The following SLC17A8 variants were observed in gnomAD, a reference collection of about 807,000 sequenced individuals.
SLC17A8 encodes the protein solute carrier family 17 member 8, also known as vesicular glutamate transporter 3.
In SLC17A8, 31 loss-of-function variants were observed where a neutral mutation model predicts 58.0. That is an observed-to-expected ratio of 0.53 (90% CI 0.40 to 0.72). The LOEUF is 0.72. SLC17A8 is among the 30% of genes least tolerant of loss of function. SLC17A8 has a pLI of 0.00. For missense variants in SLC17A8, 655 were observed against 727.8 expected, an observed-to-expected ratio of 0.90 and a Z score of 1.15; for synonymous variants, 228 against 249.0, an observed-to-expected ratio of 0.92 and a Z score of 0.79.
intron 1 of SLC17A8, among the ~76,000 whole-genome samples, chr12:100,376,149 G>A (rs1286177351): frequency 6.6e-6 from 1 of 152,150 alleles, no homozygotes; most frequent in Admixed American, 6.5e-5. Flanking sequence ...AAGAAACCAA[G>A]GCCTGCTGAA....
intron 6 of SLC17A8, among the ~76,000 whole-genome samples, chr12:100,402,098 ATACT>A (rs1480219709): frequency 6.6e-6 from 1 of 152,220 alleles, no homozygotes; most frequent in Non-Finnish European, 1.5e-5. Context: ...CGTCAACAAA[ATACT>A]TACCCCTAGC....
At chr12:100,359,324 A>C (rs931759827) in intron 1 of SLC17A8, among the ~76,000 whole-genome samples, 10 of 152,152 alleles carry the variant, frequency 6.6e-5, no homozygotes, top group Admixed American at 6.5e-5. Context: ...TTATTGATCG[A>C]AGAGCCGGTT....
At chr12:100,408,084 T>C (rs558047194) in intron 9 of SLC17A8, among the ~76,000 whole-genome samples, 13 of 152,242 alleles carry the variant, frequency 8.5e-5, no homozygotes, top group Non-Finnish European at 7.3e-5. Context: ...TTGGAAATGA[T>C]GAAGCACTGG....
chr12:100,364,804 T>C (rs1004529151), intron 1 of SLC17A8, among the ~76,000 whole-genome samples: 3 of 152,214 alleles, frequency 2.0e-5, no homozygotes, highest in Non-Finnish European at 4.4e-5. Context: ...ATGTTTCTCT[T>C]TTCATACAAA....
At chr12:100,372,605 C>T (rs912981468) in intron 1 of SLC17A8, among the ~76,000 whole-genome samples, 1 of 152,208 alleles carries the variant, frequency 6.6e-6, no homozygotes, top group African/African-American at 2.4e-5. Flanking sequence ...CCTTAAGCAC[C>T]TCATCCTAAA....
At chr12:100,375,888 T>C (rs906151519) in intron 1 of SLC17A8, among the ~76,000 whole-genome samples, 5 of 152,226 alleles carry the variant, frequency 3.3e-5, no homozygotes, top group African/African-American at 4.8e-5. Context: ...AATTGTGTCT[T>C]CATATGGATC....
At chr12:100,404,219 T>A in intron 9 of SLC17A8, 49 bp downstream of exon 9, 1 of 1,608,990 alleles carries the variant, frequency 6.2e-7, no homozygotes, top group Non-Finnish European at 8.5e-7. Context: ...AGAATTAGGG[T>A]AAACTGAACT....
intron 1 of SLC17A8, among the ~76,000 whole-genome samples, chr12:100,358,986 C>T (rs144890894): frequency 4.1e-4 from 62 of 152,084 alleles, no homozygotes; most frequent in African/African-American, 1.4e-3. Flanking sequence ...TACAGAAATA[C>T]AAAAAATTAG....
intron 1 of SLC17A8, among the ~76,000 whole-genome samples, chr12:100,359,242 A>T (rs1180693041): frequency 6.6e-6 from 1 of 152,218 alleles, no homozygotes; most frequent in Non-Finnish European, 1.5e-5. Context: ...ATATAAAAAT[A>T]CTTAGGAATT....
At chr12:100,409,197 GTATT>G (rs1952849021) in intron 9 of SLC17A8, among the ~76,000 whole-genome samples, 2 of 127,304 alleles carry the variant, frequency 1.6e-5, no homozygotes, top group African/African-American at 6.1e-5. Flanking sequence ...ATGTATGTAT[GTATT>G]TAGAGACAGA....
intron 10 of SLC17A8, among the ~76,000 whole-genome samples, chr12:100,417,152 C>T (rs924970130): frequency 5.9e-5 from 9 of 152,168 alleles, no homozygotes; most frequent in African/African-American, 1.4e-4. Flanking sequence ...GTGATCCACC[C>T]GCCTCAGCCT....
intron 10 of SLC17A8, 151 bp from the exon 11 acceptor site, chr12:100,417,878 C>A: frequency 1.2e-6 from 1 of 858,920 alleles, no homozygotes; most frequent in Non-Finnish European, 1.9e-6. Context: ...GCAGACACAG[C>A]CTCTTGAACC....
intron 9 of SLC17A8, 120 bp from the exon 10 acceptor site, chr12:100,412,648 GAC>G: frequency 2.0e-6 from 1 of 500,900 alleles, no homozygotes; most frequent in East Asian, 4.4e-5. Flanking sequence ...AAAAAACATA[GAC>G]ACAAACAAAA....
At chr12:100,387,698 AT>A (rs1952686141) in intron 2 of SLC17A8, among the ~76,000 whole-genome samples, 1 of 152,178 alleles carries the variant, frequency 6.6e-6, no homozygotes, top group African/African-American at 2.4e-5. Context: ...TAGTGAGAAA[AT>A]TAAGTCTCTC....
intron 2 of SLC17A8, among the ~76,000 whole-genome samples, chr12:100,388,481 G>T (rs1274459870): frequency 6.6e-6 from 1 of 152,170 alleles, no homozygotes; most frequent in East Asian, 1.9e-4. Context: ...TTGAATTAAT[G>T]ATAGCTAGCT....
At chr12:100,361,430 C>T (rs1324789457) in intron 1 of SLC17A8, among the ~76,000 whole-genome samples, 1 of 152,202 alleles carries the variant, frequency 6.6e-6, no homozygotes, top group African/African-American at 2.4e-5. Flanking sequence ...ATGGCTCATT[C>T]CCTCGCTTTC....
rs1183597237 is a variant in SLC17A8, at chr12:100,402,456, G to C, written c.880G>C (p.Gly294Arg). Residue 294 changes from glycine to arginine, a missense_variant, in exon 7 of 12, where the codon GGG becomes CGG. Physicochemically the swap from Gly to Arg is moderately radical, Grantham distance 125. Transcript: ENST00000323346. ...KTYIETSIGE[G>R]ANVVSLSKFS... ...CTATATAGAGACAAGCATAGGAGAG[G>C]GGGCCAACGTGGTTAGTCTAAGTGT... 1.2e-6 allele frequency: 2 copies of C among 1,613,924 alleles called. No individual in the cohort carries two copies. The highest frequency in any genetic ancestry group is 2.2e-5 in the East Asian group (1 of 44,888).
intron 2 of SLC17A8, among the ~76,000 whole-genome samples, chr12:100,386,221 A>G (rs1322874552): frequency 6.6e-6 from 1 of 152,188 alleles, no homozygotes; most frequent in Non-Finnish European, 1.5e-5. Context: ...CTTTCACAAT[A>G]TCTGACACAG....
chr12:100,368,500 A>T (rs990640372), intron 1 of SLC17A8, among the ~76,000 whole-genome samples: 2 of 152,164 alleles, frequency 1.3e-5, no homozygotes, highest in Non-Finnish European at 2.9e-5. Flanking sequence ...GAACATCAAC[A>T]TATCTATTTT....
Sources: gnomAD v4.1 joint callset for allele counts (sites outside exome capture counted in the v4.1 genomes callset) on GRCh38, gnomAD v4.1.1 for gene constraint, MANE v1.5 for transcripts, NCBI Gene and HGNC (gene_info 2026-07-23, HGNC 2026-07-21) for gene names.